Variants in ADAMTS16 observed in about 807,000 individuals in gnomAD.
ADAMTS16 encodes the protein ADAM metallopeptidase with thrombospondin type 1 motif 16.
Under a neutral mutation model 145.8 loss-of-function variants are expected in ADAMTS16, and 94 were observed. That is an observed-to-expected ratio of 0.64 (90% CI 0.55 to 0.77). ADAMTS16 has a LOEUF of 0.77. Among genes scored for constraint, ADAMTS16 ranks in the 30% least tolerant of loss-of-function variants. ADAMTS16 has a pLI of 0.00. For synonymous variants in ADAMTS16, 659 were observed against 604.3 expected (o/e 1.09, Z -1.33); for missense variants, 1,585 against 1,591.5 (o/e 1.00, Z 0.07).
intron 17 of ADAMTS16, among the ~76,000 whole-genome samples, chr5:5,260,772 G>T (rs1268508681): frequency 6.6e-6 from 1 of 152,126 alleles, no homozygotes; most frequent in African/African-American, 2.4e-5. Context: ...TGACTAAGAA[G>T]CCCCAAAATG....
chr5:5,168,884 G>A (rs1284701201), intron 3 of ADAMTS16, among the ~76,000 whole-genome samples: 1 of 150,218 alleles, frequency 6.7e-6, no homozygotes, highest in Non-Finnish European at 1.5e-5. Context: ...TAACAAGCTG[G>A]GTCAGGAGTA....
At chr5:5,169,653 G>A (rs1734995422) in intron 3 of ADAMTS16, among the ~76,000 whole-genome samples, 1 of 152,142 alleles carries the variant, frequency 6.6e-6, no homozygotes, top group Non-Finnish European at 1.5e-5. Context: ...TTAATCACAC[G>A]ATTGCTCGCT....
At chr5:5,170,019 G>A (rs984342265) in intron 3 of ADAMTS16, among the ~76,000 whole-genome samples, 19 of 152,296 alleles carry the variant, frequency 1.2e-4, no homozygotes, top group Admixed American at 2.0e-4. Context: ...TAATAAACAT[G>A]GGAGTGCAGA....
At position 5,166,303 on chromosome 5, in the gene ADAMTS16, G is replaced by A. The variant is rs1033598958; in HGVS notation, c.502-15741G>A. ...CACACACACACACATGCACACACACGGAGCTCATGCCCTGAAGACAGGCAG... is the reference window on the plus strand; with the variant it reads ...CACACACACACACATGCACACACACAGAGCTCATGCCCTGAAGACAGGCAG... On this transcript the variant is annotated intron_variant, in intron 3 of 22. Coordinates refer to ENST00000274181, the MANE Select transcript of ADAMTS16 (RefSeq NM_139056.4). Among the ~76,000 whole-genome samples, 5 of 151,382 alleles carry A rather than the reference G, an allele frequency of 3.3e-5. No homozygotes were observed. In the East Asian group the frequency reaches 5.8e-4, roughly 18 times the overall value.
chr5:5,263,085 T>C (rs1329045472), intron 18 of ADAMTS16, among the ~76,000 whole-genome samples: 1 of 152,254 alleles, frequency 6.6e-6, no homozygotes, highest in Non-Finnish European at 1.5e-5. Context: ...GTGATAATGA[T>C]GCATTCTCTC....
chr5:5,251,866 C>CT (rs976249368), intron 17 of ADAMTS16, among the ~76,000 whole-genome samples: 9 of 151,432 alleles, frequency 5.9e-5, no homozygotes, highest in South Asian at 2.1e-4. Context: ...CTTTTTTTTT[C>CT]TTTTTTTTGA....
At chr5:5,230,768 G>T (rs1231466467) in intron 11 of ADAMTS16, among the ~76,000 whole-genome samples, 1 of 152,144 alleles carries the variant, frequency 6.6e-6, no homozygotes, top group Admixed American at 6.5e-5. Context: ...GATGCACATT[G>T]AGTTTGCTCA....
chr5:5,319,133 T>G lies in ADAMTS16; in HGVS notation c.3670T>G (p.Leu1224Val). The G allele has an allele frequency of 1.2e-6, 2 of 1,609,012 alleles. No homozygotes were observed. The highest frequency in any genetic ancestry group is 1.7e-6 in the Non-Finnish European group (2 of 1,177,776). ...QCCKTCSKSN[L>V] ...CTGCAAGACTTGCTCTAAGTCCAACTTGTGAGTTGGGACCGCTCTCCGTAG... is the reference window on the plus strand; with the variant it reads ...CTGCAAGACTTGCTCTAAGTCCAACGTGTGAGTTGGGACCGCTCTCCGTAG... The change falls in exon 23 of 23, where the codon TTG becomes GTG. Residue 1224 changes from leucine (L) to valine (V), a missense_variant. Transcript: ENST00000274181.
intron 4 of ADAMTS16, among the ~76,000 whole-genome samples, chr5:5,185,734 C>T (rs1033579971): frequency 1.3e-5 from 2 of 152,192 alleles, no homozygotes; most frequent in African/African-American, 2.4e-5. Flanking sequence ...AATCCCTATG[C>T]TCAAAGTCTC....
chr5:5,303,516 A>G, intron 19 of ADAMTS16, 47 bp downstream of exon 19: 1 of 1,608,266 alleles, frequency 6.2e-7, no homozygotes, highest in Non-Finnish European at 8.5e-7. Context: ...CCCCTGCATG[A>G]TCTGCTGTGT....
chr5:5,188,204 G>C (rs573190607), intron 6 of ADAMTS16, among the ~76,000 whole-genome samples: 1 of 152,266 alleles, frequency 6.6e-6, no homozygotes, highest in South Asian at 2.1e-4. Context: ...TTGTGGTCTT[G>C]AAGTTACATT....
At position 5,319,714 on chromosome 5, in the gene ADAMTS16, C is replaced by T. The variant is rs973727890; in HGVS notation, c.*576C>T. The T allele has an allele frequency of 6.7e-5, 24 of 359,754 alleles. No homozygotes were observed. The highest frequency in any genetic ancestry group is 3.5e-4 in the South Asian group (16 of 46,208). 22.3% of individuals were successfully genotyped at this position (359,754 alleles called of 1,614,324 possible). On this transcript the variant is annotated 3_prime_UTR_variant, in exon 23 of 23. Transcript: ENST00000274181. ...TCTCTTACCAGGAACCTGGAGCCAC[C>T]GCCGGAGCCAGCGTCATCTCTAGGG...
At chr5:5,146,084 C>T (rs376357479) in intron 2 of ADAMTS16, 46 bp from the exon 3 acceptor site, 11 of 1,510,704 alleles carry the variant, frequency 7.3e-6, no homozygotes, top group African/African-American at 5.5e-5. Context: ...TGATTCTTCT[C>T]GGAATTCCGA....
At chr5:5,252,116 T>C (rs11949622) in intron 17 of ADAMTS16, among the ~76,000 whole-genome samples, 39,629 of 152,190 alleles carry the variant, frequency 0.26, 5,474 homozygotes, top group East Asian at 0.52. Context: ...CCCAAAGTGC[T>C]GGGATTGCAG....
At chr5:5,282,991 ACATT>A (rs1270644362) in intron 18 of ADAMTS16, among the ~76,000 whole-genome samples, 1 of 151,966 alleles carries the variant, frequency 6.6e-6, no homozygotes, top group Non-Finnish European at 1.5e-5. Context: ...ATAGAGTAAA[ACATT>A]CATTGTGTAA....
chr5:5,266,434 G>A (rs1579357592), intron 18 of ADAMTS16, among the ~76,000 whole-genome samples: 1 of 152,248 alleles, frequency 6.6e-6, no homozygotes, highest in East Asian at 1.9e-4. Context: ...AGCAACGGCA[G>A]AGTGGAGCAA....
intron 18 of ADAMTS16, among the ~76,000 whole-genome samples, chr5:5,295,614 C>T (rs949145887): frequency 2.6e-5 from 4 of 152,202 alleles, no homozygotes; most frequent in Admixed American, 6.5e-5. Context: ...CAGTGAGTCT[C>T]ATGTGTCAGC....
chr5:5,246,338 G>A (rs10038527), intron 17 of ADAMTS16, among the ~76,000 whole-genome samples: 42,013 of 151,986 alleles, frequency 0.28, 5,906 homozygotes, highest in Middle Eastern at 0.36. Flanking sequence ...AAATTTCTCA[G>A]ACAAATCTTA....
intron 10 of ADAMTS16, among the ~76,000 whole-genome samples, chr5:5,215,057 T>C (rs1054113417): frequency 2.0e-5 from 3 of 152,198 alleles, no homozygotes; most frequent in African/African-American, 7.2e-5. Context: ...GGATGGATGA[T>C]ATTTTAGGAA....
Sources: gnomAD v4.1 joint callset for allele counts (sites outside exome capture counted in the v4.1 genomes callset) on GRCh38, gnomAD v4.1.1 for gene constraint, MANE v1.5 for transcripts, NCBI Gene and HGNC (gene_info 2026-07-23, HGNC 2026-07-21) for gene names.